Variants in SKAP1 observed in about 807,000 individuals in gnomAD.
SKAP1 encodes the protein src kinase-associated phosphoprotein 1.
SKAP1 carries 44 observed loss-of-function variants against 58.5 expected under a neutral mutation model. The observed-to-expected ratio is 0.75, with a 90% CI of 0.59 to 0.97. SKAP1 has a LOEUF of 0.97. Among genes scored for constraint, SKAP1 ranks in the 50% least tolerant of loss-of-function variants. SKAP1 has a pLI of 0.00. For missense variants in SKAP1, 390 were observed against 435.2 expected (o/e 0.90, Z 0.92); for synonymous variants, 127 against 149.7 (o/e 0.85, Z 1.11).
chr17:48,220,873 A>AAAAAAAAAAG (rs2064996881), intron 4 of SKAP1, among the ~76,000 whole-genome samples: 1 of 91,704 alleles, frequency 1.1e-5, no homozygotes, highest in African/African-American at 3.7e-5. Flanking sequence ...AAAAAAAAAA[A>AAAAAAAAAAG]AAAAGAAAAG....
intron 4 of SKAP1, among the ~76,000 whole-genome samples, chr17:48,327,526 G>T (rs1041115676): frequency 6.6e-6 from 1 of 152,082 alleles, no homozygotes; most frequent in Admixed American, 6.5e-5. Flanking sequence ...TCTACATGTT[G>T]CCCTTCATCC....
At chr17:48,290,273 T>C (rs1304042504) in intron 4 of SKAP1, among the ~76,000 whole-genome samples, 2 of 152,184 alleles carry the variant, frequency 1.3e-5, no homozygotes, top group Non-Finnish European at 2.9e-5. Context: ...AGATGGTATG[T>C]TTTTTAATGT....
chr17:48,206,467 GA>G (rs912487545), intron 4 of SKAP1, among the ~76,000 whole-genome samples: 2 of 151,596 alleles, frequency 1.3e-5, no homozygotes, highest in African/African-American at 4.8e-5. Flanking sequence ...AAAAAATAAA[GA>G]AATAAAATTT....
At chr17:48,227,930 G>A (rs1163423687) in intron 4 of SKAP1, among the ~76,000 whole-genome samples, 3 of 152,164 alleles carry the variant, frequency 2.0e-5, no homozygotes, top group African/African-American at 4.8e-5. Flanking sequence ...AACACAATAT[G>A]CACTATGTAA....
intron 4 of SKAP1, among the ~76,000 whole-genome samples, chr17:48,219,377 C>A (rs562507456): frequency 6.6e-6 from 1 of 152,320 alleles, no homozygotes; most frequent in South Asian, 2.1e-4. Flanking sequence ...CTTTTTGAAA[C>A]TCTTATATGT....
In SKAP1 at chr17:48,250,280, T is replaced by G. The variant is rs1220817720; in HGVS notation, c.281-60780A>C. Among the ~76,000 whole-genome samples, 137 of 71,636 alleles carry G rather than the reference T, an allele frequency of 1.9e-3. 2 individuals are homozygous for G. The highest frequency in any genetic ancestry group is 8.0e-3 in the African/African-American group (133 of 16,586). The allele number at this position is 71,636 out of a possible 152,430, so 47.0% of individuals were successfully genotyped here. A position where few individuals can be genotyped will look rare whatever the true frequency, so the allele number is the denominator to read the frequency against. ...TTTTGCTGCCATAGACAGTTTTTTTTTTTTTTTTTTTTTTTTTTTGAGATG... is the reference window on the plus strand; with the variant it reads ...TTTTGCTGCCATAGACAGTTTTTTTGTTTTTTTTTTTTTTTTTTTGAGATG... On this transcript the variant is annotated intron_variant, in intron 4 of 12. Transcript: ENST00000336915.
intron 4 of SKAP1, among the ~76,000 whole-genome samples, chr17:48,289,744 T>C (rs543959776): frequency 6.6e-6 from 1 of 151,948 alleles, no homozygotes; most frequent in Admixed American, 6.5e-5. Context: ...GAACACATCC[T>C]TTCAGTATTT....
At chr17:48,341,610 T>C (rs564152830) in intron 4 of SKAP1, among the ~76,000 whole-genome samples, 1 of 152,214 alleles carries the variant, frequency 6.6e-6, no homozygotes, top group Non-Finnish European at 1.5e-5. Flanking sequence ...ATTGGTACTT[T>C]AACATGTTTG....
Position 48,187,850 on chromosome 17 carries a change from A to G in SKAP1, c.435T>C (p.Asn145=). The stretch of plus-strand genomic sequence containing the variant: ...TAAATGAAGAACACTTACTCTTCTC[A>G]TTAGCATAGTAGTAGAAGAGACCTC... ...VSRGLFYYYA[N]EKSKQPKGTF... The change falls in exon 6 of 13, where the codon AAT becomes AAC. Residue 145 remains asparagine (N), a synonymous_variant. Coordinates refer to ENST00000336915, the MANE Select transcript of SKAP1 (RefSeq NM_003726.4). 2 of 1,607,336 alleles carry G rather than the reference A, an allele frequency of 1.2e-6. No homozygotes were observed. Among genetic ancestry groups the G allele is most frequent in the Non-Finnish European group, 1.7e-6 (2 of 1,173,914 alleles).
intron 2 of SKAP1, among the ~76,000 whole-genome samples, chr17:48,394,152 G>C (rs2067385545): frequency 6.6e-6 from 1 of 152,088 alleles, no homozygotes; most frequent in South Asian, 2.1e-4. Flanking sequence ...GAGCCCAGGA[G>C]GTCGAGGCTG....
At chr17:48,243,749 A>G (rs925464091) in intron 4 of SKAP1, among the ~76,000 whole-genome samples, 3 of 152,182 alleles carry the variant, frequency 2.0e-5, no homozygotes, top group Non-Finnish European at 4.4e-5. Context: ...TGCATAAGCT[A>G]TTGTATTCTA....
chr17:48,383,214 GAGA>G (rs1357248794), intron 2 of SKAP1, among the ~76,000 whole-genome samples: 11 of 152,264 alleles, frequency 7.2e-5, no homozygotes, highest in South Asian at 6.2e-4. Context: ...CTGATGTTTT[GAGA>G]AGGAGGAAGT....
intron 4 of SKAP1, among the ~76,000 whole-genome samples, chr17:48,271,686 C>G (rs934415676): frequency 1.3e-5 from 2 of 151,854 alleles, no homozygotes; most frequent in Non-Finnish European, 2.9e-5. Flanking sequence ...GATTTTTTTT[C>G]TCTATTCAGT....
chr17:48,174,327 G>A (rs780700074), intron 9 of SKAP1, among the ~76,000 whole-genome samples: 1 of 152,198 alleles, frequency 6.6e-6, no homozygotes, highest in Non-Finnish European at 1.5e-5. Flanking sequence ...TGGGCTTGGC[G>A]CTATGCCTCT....
intron 10 of SKAP1, among the ~76,000 whole-genome samples, chr17:48,169,869 T>C (rs1325958878): frequency 6.6e-6 from 1 of 152,178 alleles, no homozygotes; most frequent in African/African-American, 2.4e-5. Context: ...TCAGCCAGTA[T>C]CTAAATCAGT....
chr17:48,279,138 G>T (rs12946679), intron 4 of SKAP1, among the ~76,000 whole-genome samples: 1 of 152,034 alleles, frequency 6.6e-6, no homozygotes, highest in Non-Finnish European at 1.5e-5. Flanking sequence ...GCAAGGTGAC[G>T]GTATTCTTAA....
intron 4 of SKAP1, among the ~76,000 whole-genome samples, chr17:48,201,161 C>T (rs1237714476): frequency 3.9e-5 from 6 of 151,900 alleles, no homozygotes; most frequent in Admixed American, 2.0e-4. Flanking sequence ...CGTATCACAG[C>T]GCTGAGAATG....
At chr17:48,195,896 A>G (rs2064620153) in intron 4 of SKAP1, among the ~76,000 whole-genome samples, 1 of 152,218 alleles carries the variant, frequency 6.6e-6, no homozygotes, top group African/African-American at 2.4e-5. Flanking sequence ...AAATCCTGTT[A>G]TACTGAAGAC....
intron 11 of SKAP1, among the ~76,000 whole-genome samples, chr17:48,144,104 C>T (rs1460996193): frequency 2.0e-5 from 3 of 152,128 alleles, no homozygotes; most frequent in Admixed American, 6.5e-5. Flanking sequence ...CTCTGCCCTT[C>T]AAAACAAAAG....
Sources: gnomAD v4.1 joint callset for allele counts (sites outside exome capture counted in the v4.1 genomes callset) on GRCh38, gnomAD v4.1.1 for gene constraint, MANE v1.5 for transcripts, NCBI Gene and HGNC (gene_info 2026-07-23, HGNC 2026-07-21) for gene names.